The following FGF22 variants were observed in gnomAD, a reference collection of about 807,000 sequenced individuals.
FGF22 encodes FGF-22.
In FGF22, 11 loss-of-function variants were observed where a neutral mutation model predicts 10.3. The observed-to-expected ratio is 1.07, with a 90% CI of 0.67 to 1.77. FGF22 has a LOEUF of 1.77. FGF22 is among the 40% of genes most tolerant of loss of function. The pLI is 0.00. For synonymous variants in FGF22, 136 were observed against 122.1 expected, an observed-to-expected ratio of 1.11 and a Z score of -0.75; for missense variants, 317 against 273.2, an observed-to-expected ratio of 1.16 and a Z score of -1.13.
chr19:643,535 G>GC lies in FGF22; in HGVS notation c.448dup (p.Arg150ProfsTer25). On this transcript the variant is annotated frameshift_variant, in exon 3 of 3. Transcript: ENST00000215530. LOFTEE classifies it low-confidence loss of function (END_TRUNC). Reference sequence around the variant, plus strand: ...TCCTGGCGCTGGACAGGAGGGGGGGGCCCCGGCCAGGCGGCCGGACGCGGC... The same window carrying GC: ...TCCTGGCGCTGGACAGGAGGGGGGGGCCCCCGGCCAGGCGGCCGGACGCGGC... 1 of 1,602,286 alleles carries GC rather than the reference G, an allele frequency of 6.2e-7. No homozygotes were observed. The highest frequency in any genetic ancestry group is 1.3e-5 in the African/African-American group (1 of 74,806).
At chr19:643,673 T>C in exon 3 of FGF22, 1 of 1,298,106 alleles carries the variant, frequency 7.7e-7, no homozygotes, top group Non-Finnish European at 1.0e-6. Flanking sequence ...ACGCTTGTTC[T>C]TCCCCCTGCG....
chr19:641,262 G>A (rs1985889569), intron 1 of FGF22: 1 of 455,850 alleles, frequency 2.2e-6, no homozygotes. Context: ...CGTGAACAAG[G>A]GCGCAGGTGG....
At chr19:640,508 CAG>C (rs1555679099) in intron 1 of FGF22, 1 of 186,660 alleles carries the variant, frequency 5.4e-6, no homozygotes, top group Non-Finnish European at 1.1e-5. Flanking sequence ...AGAATCCAGT[CAG>C]GGCTGCCTGA....
At chr19:644,373 A>C (rs946847596) in exon 3 of FGF22, 2 of 152,306 alleles carry the variant, frequency 1.3e-5, no homozygotes, top group African/African-American at 4.8e-5. Flanking sequence ...TAAGCCATCA[A>C]CTTTGTGGTC....
chr19:642,163 C>G (rs530155167), intron 1 of FGF22, among the ~76,000 whole-genome samples: 6 of 151,846 alleles, frequency 4.0e-5, no homozygotes, highest in Admixed American at 3.9e-4. Context: ...GTCCAGAGTC[C>G]CAGTCCGGAG....
Position 641,253 on chromosome 19 carries a change from G to A in FGF22, c.214+1114G>A, listed in dbSNP as rs903676243. 19 of 456,156 alleles carry A rather than the reference G, an allele frequency of 4.2e-5. No homozygotes were observed. In the East Asian group the frequency reaches 4.2e-4, roughly 10 times the overall value. The allele number at this position is 456,156 out of a possible 1,614,324, so 28.3% of individuals were successfully genotyped here. A position where few individuals can be genotyped will look rare whatever the true frequency, so the allele number is the denominator to read the frequency against. On this transcript the variant is annotated intron_variant, in intron 1 of 2. Coordinates refer to ENST00000215530, the Ensembl canonical transcript of FGF22. ...GCAGAGGCGCGCAGCAGTTAGACAC[G>A]TGAACAAGGGCGCAGGTGGGTGCAC... is the stretch of plus-strand genomic sequence containing the variant.
At chr19:639,999 G>A (rs1398571872) in exon 1 of FGF22, 3 of 1,304,688 alleles carry the variant, frequency 2.3e-6, no homozygotes, top group Non-Finnish European at 2.9e-6. Context: ...GGAACCCCGA[G>A]CGCGTCGCGG....
chr19:643,420 C>G, exon 3 of FGF22: 1 of 1,611,216 alleles, frequency 6.2e-7, no homozygotes, highest in Non-Finnish European at 8.5e-7. Flanking sequence ...CGACTCTACA[C>G]CGTGGACTGC....
intron 1 of FGF22, chr19:641,317 C>A (rs1327887355): frequency 2.2e-6 from 1 of 452,652 alleles, no homozygotes; most frequent in African/African-American, 2.0e-5. Flanking sequence ...TGGCTCACGT[C>A]GGTAATCCCA....
At chr19:642,276 A>G (rs538431109) in intron 1 of FGF22, among the ~76,000 whole-genome samples, 3 of 19,632 alleles carry the variant, frequency 1.5e-4, no homozygotes, top group Admixed American at 6.6e-4. Flanking sequence ...GGGGCTCCAT[A>G]TGGGGTGGTG....
chr19:643,416 T>C (rs1985976644), exon 3 of FGF22: 3 of 1,610,926 alleles, frequency 1.9e-6, no homozygotes, highest in East Asian at 4.5e-5. Flanking sequence ...GCAGCGACTC[T>C]ACACCGTGGA....
At position 639,983 on chromosome 19, in the gene FGF22, G is replaced by A. The variant is rs780807616; in HGVS notation, c.58G>A (p.Ala20Thr). Residue 20 changes from alanine (A) to threonine (T), a missense_variant, in exon 1 of 3, where the codon GCC becomes ACC. Coordinates refer to ENST00000215530, the Ensembl canonical transcript of FGF22. ...GCTGCTGCTGGCGCGGGCGCCGGAC[G>A]CCGCGGGAACCCCGAGCGCGTCGCG... The A allele has an allele frequency of 2.4e-6, 3 of 1,268,224 alleles. No individual in the cohort carries two copies. The South Asian group carries it at 8.7e-5, about 37-fold the overall frequency. 78.6% of individuals were successfully genotyped at this position (1,268,224 alleles called of 1,614,324 possible).
exon 3 of FGF22, chr19:643,480 A>G (rs1455256374): frequency 1.9e-6 from 3 of 1,611,114 alleles, no homozygotes; most frequent in Admixed American, 1.7e-5. Context: ...TACGCCTCAC[A>G]GCGCTGGCGC....
In FGF22 at chr19:643,449, G is replaced by T. The variant is rs201800861; in HGVS notation, c.358G>T (p.Glu120Ter). The T allele has an allele frequency of 6.2e-7, 1 of 1,611,506 alleles. No homozygotes were observed. Among genetic ancestry groups the T allele is most frequent in the African/African-American group, 1.3e-5 (1 of 74,998 alleles). Residue 120 changes from glutamate (E) to a stop codon, truncating the protein, a stop_gained, in exon 3 of 3, where the codon GAA becomes TAA. Transcript: ENST00000215530. LOFTEE classifies it low-confidence loss of function (END_TRUNC). ...GGACTGCAGGTTCCGGGAGCGCATCGAAGAGAACGGCCACAACACCTACGC... is the reference window on the plus strand; with the variant it reads ...GGACTGCAGGTTCCGGGAGCGCATCTAAGAGAACGGCCACAACACCTACGC...
rs1010746586 is a variant in FGF22 at position 643,465 on chromosome 19, A to C, written c.374A>C (p.Asn125Thr). The C allele has an allele frequency of 1.2e-5, 20 of 1,611,430 alleles. 1 individual carries two copies. Among genetic ancestry groups the C allele is most frequent in the Middle Eastern group, 1.7e-4 (1 of 6,048 alleles). The change falls in exon 3 of 3, where the codon AAC becomes ACC. Residue 125 changes from asparagine (N) to threonine (T), a missense_variant. By Grantham distance (65) the Asn-to-Thr change is moderately conservative. Coordinates refer to ENST00000215530, the Ensembl canonical transcript of FGF22. ...GAGCGCATCGAAGAGAACGGCCACA[A>C]CACCTACGCCTCACAGCGCTGGCGC...
chr19:640,465 G>A (rs1474802925), intron 1 of FGF22: 3 of 239,636 alleles, frequency 1.3e-5, no homozygotes, highest in African/African-American at 2.3e-5. Context: ...GGCGGAAGCG[G>A]CGGGGGGCTG....
chr19:643,304 TGGC>T, exon 2 of FGF22: 1 of 1,597,148 alleles, frequency 6.3e-7, no homozygotes, highest in Non-Finnish European at 8.5e-7. Context: ...GGCTTCTACG[TGGC>T]CATGAACCGC....
At chr19:640,133 C>A in exon 1 of FGF22, 1 of 1,327,904 alleles carries the variant, frequency 7.5e-7, no homozygotes, top group Non-Finnish European at 9.6e-7. Context: ...GCGCCACGGC[C>A]AGGACAGTGA....
At chr19:643,552 G>T in exon 3 of FGF22, 2 of 1,589,016 alleles carry the variant, frequency 1.3e-6, no homozygotes, top group Admixed American at 1.7e-5. Context: ...CCAGGCGGCC[G>T]GACGCGGCGG....
Sources: allele counts gnomAD v4.1 joint callset (sites outside exome capture counted in the v4.1 genomes callset), GRCh38; gene constraint gnomAD v4.1.1; transcripts MANE v1.5; gene names NCBI Gene and HGNC (gene_info 2026-07-23, HGNC 2026-07-21).